Variants in CCDC178 observed in about 807,000 individuals in gnomAD.
CCDC178 encodes coiled-coil domain containing 178, also known as coiled-coil domain-containing protein 178.
A neutral mutation model predicts 117.4 loss-of-function variants in CCDC178; 126 were observed. That is an observed-to-expected ratio of 1.07 (90% CI 0.93 to 1.24). The LOEUF (loss-of-function observed/expected upper bound fraction) is 1.24, where lower values mean the gene tolerates loss of function less well. Ranked by LOEUF, CCDC178 falls within the 50% of genes most tolerant of loss-of-function variation. The pLI is 0.00. For missense variants in CCDC178, 1,030 were observed against 986.9 expected (o/e 1.04, Z -0.59); for synonymous variants, 283 against 313.4 (o/e 0.90, Z 1.02).
At chr18:33,398,571 A>G (rs920163279) in intron 3 of CCDC178, among the ~76,000 whole-genome samples, 1 of 152,198 alleles carries the variant, frequency 6.6e-6, no homozygotes, top group Non-Finnish European at 1.5e-5. Context: ...GGCAAGGAGT[A>G]TATCTATTTA....
intron 4 of CCDC178, among the ~76,000 whole-genome samples, chr18:33,395,222 G>T (rs948350633): frequency 6.6e-6 from 1 of 150,698 alleles, no homozygotes; most frequent in South Asian, 2.1e-4. Flanking sequence ...AATCGGATGG[G>T]GAAAAATTAC....
chr18:33,408,323 A>AC (rs927705404), intron 3 of CCDC178, among the ~76,000 whole-genome samples: 5 of 151,952 alleles, frequency 3.3e-5, no homozygotes, highest in Admixed American at 3.3e-4. Context: ...CATTTTAGTC[A>AC]CCTTCATTCA....
At chr18:33,399,918 C>G (rs1011068166) in intron 3 of CCDC178, among the ~76,000 whole-genome samples, 1 of 152,046 alleles carries the variant, frequency 6.6e-6, no homozygotes, top group Non-Finnish European at 1.5e-5. Context: ...TCTATGGTAG[C>G]TATAGCTTTA....
Position 33,417,563 on chromosome 18 carries a change from CAA to C in CCDC178, c.-22-5455_-22-5454del, listed in dbSNP as rs1491548106. The stretch of plus-strand genomic sequence containing the variant: ...ACACACACACACACACACACACACA[CAA>C]ATAACTGCAAGTATTACCGCTGAAA... On this transcript the variant is annotated intron_variant, in intron 2 of 22. Coordinates refer to ENST00000383096, the MANE Select transcript of CCDC178 (RefSeq NM_001105528.4). 2.0e-5 allele frequency among the ~76,000 whole-genome samples: 3 copies of C among 148,912 alleles called. No homozygotes were observed. In the East Asian group the frequency reaches 5.8e-4, roughly 29 times the overall value.
At chr18:33,010,578 T>A (rs1273370077) in intron 21 of CCDC178, among the ~76,000 whole-genome samples, 2 of 152,190 alleles carry the variant, frequency 1.3e-5, no homozygotes, top group Non-Finnish European at 2.9e-5. Context: ...ATTTTTGGCA[T>A]GCTTGTAAAC....
chr18:33,177,661 C>G (rs1418664777), intron 20 of CCDC178, among the ~76,000 whole-genome samples: 1 of 152,184 alleles, frequency 6.6e-6, no homozygotes, highest in Non-Finnish European at 1.5e-5. Context: ...CTAACACAAT[C>G]TATGCTTTTG....
intron 21 of CCDC178, among the ~76,000 whole-genome samples, chr18:33,057,881 CTATACAG>C (rs1268855669): frequency 6.6e-6 from 1 of 152,110 alleles, no homozygotes; most frequent in Non-Finnish European, 1.5e-5. Context: ...AACTTAAGCT[CTATACAG>C]TATTACAAAT....
rs759167102 is a variant in CCDC178 at position 33,356,305 on chromosome 18, A to ATTTT, written c.371+18_371+19insAAAA. 1 of 1,473,634 alleles carries ATTTT rather than the reference A, an allele frequency of 6.8e-7. No individual in the cohort carries two copies. Among genetic ancestry groups the ATTTT allele is most frequent in the Non-Finnish European group, 9.2e-7 (1 of 1,092,220 alleles). 91.3% of individuals were successfully genotyped at this position (1,473,634 alleles called of 1,614,324 possible). The stretch of plus-strand genomic sequence containing the variant: ...ACATTAAAAATAAAATAGTTTTAAA[A>ATTTT]AGCATGAAATTTTCTTACCATTCTT... On this transcript the variant is annotated intron_variant, in intron 7 of 22. Transcript: ENST00000383096.
chr18:33,369,739 A>G (rs549313760), intron 6 of CCDC178, among the ~76,000 whole-genome samples: 1 of 152,112 alleles, frequency 6.6e-6, no homozygotes, highest in East Asian at 1.9e-4. Flanking sequence ...TGTCCCAAAA[A>G]GTATGTAAAT....
intron 20 of CCDC178, among the ~76,000 whole-genome samples, chr18:33,197,023 T>C: frequency 6.6e-6 from 1 of 152,154 alleles, no homozygotes; most frequent in Non-Finnish European, 1.5e-5. Flanking sequence ...ATCTTAATTT[T>C]TTCATTTCAT....
chr18:33,004,098 C>T (rs987302560), intron 21 of CCDC178, among the ~76,000 whole-genome samples: 2 of 151,996 alleles, frequency 1.3e-5, no homozygotes, highest in Non-Finnish European at 2.9e-5. Flanking sequence ...GTTTGTACTA[C>T]CCATAGCAAC....
chr18:33,249,041 G>A (rs1489002227), intron 14 of CCDC178, among the ~76,000 whole-genome samples: 1 of 152,058 alleles, frequency 6.6e-6, no homozygotes, highest in Non-Finnish European at 1.5e-5. Context: ...TTTTTCATGT[G>A]TGTTTTGGCT....
intron 2 of CCDC178, among the ~76,000 whole-genome samples, chr18:33,413,497 G>T (rs537849750): frequency 2.7e-5 from 4 of 148,982 alleles, no homozygotes; most frequent in Non-Finnish European, 5.9e-5. Flanking sequence ...ATAAGAAAAT[G>T]AATTCCTCCA....
intron 14 of CCDC178, among the ~76,000 whole-genome samples, chr18:33,253,884 C>G (rs138861075): frequency 4.1e-4 from 62 of 151,750 alleles, no homozygotes; most frequent in African/African-American, 1.3e-3. Flanking sequence ...TTAATAATAC[C>G]TATCATCAAA....
chr18:33,038,634 T>G (rs2056488661), intron 21 of CCDC178, among the ~76,000 whole-genome samples: 1 of 151,972 alleles, frequency 6.6e-6, no homozygotes, highest in Non-Finnish European at 1.5e-5. Context: ...TCTACTACAT[T>G]TACAGAAAAA....
chr18:33,011,925 G>C (rs771743477), intron 21 of CCDC178, among the ~76,000 whole-genome samples: 8 of 151,580 alleles, frequency 5.3e-5, no homozygotes, highest in Non-Finnish European at 1.2e-4. Context: ...CTGAGTTTTA[G>C]TTGATTTTCT....
At chr18:33,438,138 T>C (rs927249328) in intron 2 of CCDC178, among the ~76,000 whole-genome samples, 1 of 152,142 alleles carries the variant, frequency 6.6e-6, no homozygotes, top group African/African-American at 2.4e-5. Flanking sequence ...GTGATCAGCA[T>C]GGAACAGTCA....
At position 33,148,043 on chromosome 18, in the gene CCDC178, A is replaced by G. The variant is rs372223241; in HGVS notation, c.2239-55133T>C. Among the ~76,000 whole-genome samples the G allele has an allele frequency of 2.2e-4, 34 of 151,684 alleles. No individual in the cohort carries two copies. The East Asian group carries it at 5.5e-3, about 24-fold the overall frequency. ...GGCGGCTGGCCGGGCAGAGGCTGCA[A>G]TCTCGGCACTTTGGGAGGCCAAGGC... On this transcript the variant is annotated intron_variant, in intron 20 of 22. Transcript: ENST00000383096.
chr18:33,292,277 T>C (rs1398309190), intron 12 of CCDC178, among the ~76,000 whole-genome samples: 1 of 152,288 alleles, frequency 6.6e-6, no homozygotes, highest in East Asian at 1.9e-4. Flanking sequence ...TGCAGCAACA[T>C]GGATGGAACA....
Sources: allele counts gnomAD v4.1 joint callset (sites outside exome capture counted in the v4.1 genomes callset), GRCh38; gene constraint gnomAD v4.1.1; transcripts MANE v1.5; gene names NCBI Gene and HGNC (gene_info 2026-07-23, HGNC 2026-07-21).